WDR7: variants seen among roughly 807,000 people sequenced by gnomAD.
WDR7 encodes WD repeat domain 7, also known as WD repeat-containing protein 7.
Under a neutral mutation model 169.4 loss-of-function variants are expected in WDR7, and 46 were observed. That is an observed-to-expected ratio of 0.27 (90% CI 0.21 to 0.35). The LOEUF (loss-of-function observed/expected upper bound fraction) is 0.35. Among genes scored for constraint, WDR7 ranks in the 10% least tolerant of loss-of-function variants. WDR7 has a pLI of 1.00. For missense variants in WDR7, 1,534 were observed against 1,859.3 expected (o/e 0.83, Z 3.22); for synonymous variants, 612 against 666.8 (o/e 0.92, Z 1.27).
chr18:56,969,301 T>C (rs1167988417), intron 26 of WDR7, among the ~76,000 whole-genome samples: 1 of 152,194 alleles, frequency 6.6e-6, no homozygotes, highest in Admixed American at 6.5e-5. Flanking sequence ...GAAATCTACC[T>C]TTTCTCTCTG....
At chr18:56,932,878 T>C (rs540327951) in intron 22 of WDR7, among the ~76,000 whole-genome samples, 1 of 107,680 alleles carries the variant, frequency 9.3e-6, no homozygotes, top group Non-Finnish European at 1.7e-5. Context: ...ATTCTGGGTG[T>C]GTGTGTGTGT....
In WDR7 at chr18:56,886,859, G is replaced by A. The variant is rs928543707; in HGVS notation, c.3526+6694G>A. On this transcript the variant is annotated intron_variant, in intron 21 of 27. Transcript: ENST00000254442. ...ATTCTTATATCAGACAAATTTTAAA[G>A]CAACAGCAGAAAGACAAAGAGGGAC... 2.0e-5 allele frequency among the ~76,000 whole-genome samples: 3 copies of A among 152,088 alleles called. 1 individual carries two copies. Among genetic ancestry groups the A allele is most frequent in the Admixed American group, 1.3e-4 (2 of 15,278 alleles).
intron 25 of WDR7, among the ~76,000 whole-genome samples, chr18:56,945,725 C>G (rs1249605686): frequency 6.6e-6 from 1 of 152,162 alleles, no homozygotes; most frequent in East Asian, 1.9e-4. Flanking sequence ...ACATGACAGC[C>G]ACTACAGCTG....
chr18:56,851,352 C>T (rs571712168), intron 20 of WDR7, among the ~76,000 whole-genome samples: 3 of 152,188 alleles, frequency 2.0e-5, no homozygotes, highest in African/African-American at 7.2e-5. Context: ...CCTATATCAC[C>T]CAACTATCTC....
At chr18:56,681,889 A>G (rs1057027834) in intron 4 of WDR7, among the ~76,000 whole-genome samples, 2 of 152,180 alleles carry the variant, frequency 1.3e-5, no homozygotes, top group African/African-American at 2.4e-5. Context: ...AGAGTGTTAC[A>G]CAGGAATTTG....
At chr18:56,853,423 T>C (rs1350630568) in intron 20 of WDR7, among the ~76,000 whole-genome samples, 3 of 152,172 alleles carry the variant, frequency 2.0e-5, no homozygotes, top group African/African-American at 7.2e-5. Context: ...CCAGTTATCT[T>C]ACAGGCTGTT....
At chr18:56,715,682 A>C (rs911208809) in intron 12 of WDR7, among the ~76,000 whole-genome samples, 8 of 152,228 alleles carry the variant, frequency 5.3e-5, no homozygotes, top group African/African-American at 1.9e-4. Flanking sequence ...TAGATATAAA[A>C]CAGTAGTGTT....
intron 3 of WDR7, 56 bp downstream of exon 3, chr18:56,679,494 T>C (rs2025312790): frequency 1.5e-6 from 2 of 1,326,668 alleles, no homozygotes; most frequent in African/African-American, 3.0e-5. Context: ...CTAGCACCAA[T>C]GCCTTGTAAG....
At chr18:56,884,922 T>A (rs993836275) in intron 21 of WDR7, among the ~76,000 whole-genome samples, 1 of 152,236 alleles carries the variant, frequency 6.6e-6, no homozygotes, top group African/African-American at 2.4e-5. Flanking sequence ...GAGTGGGTGC[T>A]GGTATCCATG....
At chr18:56,917,674 C>T (rs1207571351) in intron 21 of WDR7, among the ~76,000 whole-genome samples, 1 of 152,168 alleles carries the variant, frequency 6.6e-6, no homozygotes, top group Non-Finnish European at 1.5e-5. Flanking sequence ...GAACAATATT[C>T]ATCTTGCTGG....
rs1046265625 is a variant in WDR7, at chr18:57,029,492, G to A, written c.*2285G>A. 1 of 152,128 alleles carries A rather than the reference G, an allele frequency of 6.6e-6. No individual in the cohort carries two copies. The highest frequency in any genetic ancestry group is 2.4e-5 in the African/African-American group (1 of 41,402). 9.4% of individuals were successfully genotyped at this position (152,128 alleles called of 1,614,324 possible). ...CCCAGCTTAGATTTCTCAGCACTGA[G>A]GTAAACTCTGCATTGTCATCCCAGC... On this transcript the variant is annotated 3_prime_UTR_variant, in exon 28 of 28. Transcript: ENST00000254442.
At chr18:56,804,586 A>T (rs1482298644) in intron 19 of WDR7, among the ~76,000 whole-genome samples, 1 of 152,172 alleles carries the variant, frequency 6.6e-6, no homozygotes, top group East Asian at 1.9e-4. Flanking sequence ...CAGTGAACCT[A>T]TTCATAAAGA....
intron 20 of WDR7, chr18:56,872,595 G>T (rs552459343): frequency 1.3e-5 from 2 of 152,088 alleles, no homozygotes; most frequent in African/African-American, 4.8e-5. Context: ...ATGAGACCAC[G>T]TATCATTTTC....
At chr18:56,810,914 C>A (rs1470485317) in intron 19 of WDR7, among the ~76,000 whole-genome samples, 1 of 152,074 alleles carries the variant, frequency 6.6e-6, no homozygotes, top group East Asian at 1.9e-4. Context: ...CAAAGTGAAA[C>A]CTCAGCCCCC....
intron 12 of WDR7, among the ~76,000 whole-genome samples, chr18:56,711,489 A>G (rs916970630): frequency 1.3e-5 from 2 of 152,040 alleles, no homozygotes; most frequent in African/African-American, 4.8e-5. Flanking sequence ...CCATTTTATT[A>G]ATAAGGAAGC....
intron 14 of WDR7, among the ~76,000 whole-genome samples, chr18:56,739,969 G>C (rs2043591274): frequency 6.8e-6 from 1 of 147,300 alleles, no homozygotes; most frequent in South Asian, 2.1e-4. Flanking sequence ...GAAAATTCTT[G>C]AGGCCATTAT....
At chr18:56,848,841 GC>G (rs918337262) in intron 20 of WDR7, among the ~76,000 whole-genome samples, 2 of 152,228 alleles carry the variant, frequency 1.3e-5, no homozygotes, top group East Asian at 3.9e-4. Flanking sequence ...CCAAGAAGAT[GC>G]TGGCACCATA....
intron 19 of WDR7, among the ~76,000 whole-genome samples, chr18:56,784,633 A>G (rs1054942101): frequency 6.6e-6 from 1 of 152,226 alleles, no homozygotes; most frequent in African/African-American, 2.4e-5. Context: ...TATTGCTTTC[A>G]GACACTGTTC....
At chr18:56,702,574 T>A (rs1348868482) in intron 12 of WDR7, among the ~76,000 whole-genome samples, 1 of 152,346 alleles carries the variant, frequency 6.6e-6, no homozygotes, top group East Asian at 1.9e-4. Context: ...ATTTTCTTAG[T>A]TGATTTTCAA....
Sources: gnomAD v4.1 joint callset for allele counts (sites outside exome capture counted in the v4.1 genomes callset) on GRCh38, gnomAD v4.1.1 for gene constraint, MANE v1.5 for transcripts, NCBI Gene and HGNC (gene_info 2026-07-23, HGNC 2026-07-21) for gene names.